Variants in CDC14B observed in about 807,000 individuals in gnomAD.
CDC14B encodes cell division cycle 14B.
CDC14B carries 22 observed loss-of-function variants against 64.2 expected under a neutral mutation model. The ratio of observed to expected loss-of-function variants is 0.34; its 90% confidence interval spans 0.24 to 0.49. The LOEUF (loss-of-function observed/expected upper bound fraction) is 0.49, where lower values mean the gene tolerates loss of function less well. Ranked by LOEUF, CDC14B falls within the 20% of genes least tolerant of loss-of-function variation. CDC14B has a pLI of 0.99. For missense variants in CDC14B, 498 were observed against 629.9 expected, an observed-to-expected ratio of 0.79 and a Z score of 2.24; for synonymous variants, 191 against 215.8, an observed-to-expected ratio of 0.89 and a Z score of 1.01.
intron 4 of CDC14B, among the ~76,000 whole-genome samples, chr9:96,555,596 T>C (rs1008619035): frequency 5.3e-5 from 8 of 152,182 alleles, no homozygotes; most frequent in African/African-American, 1.9e-4. Context: ...TTTAAGGAAA[T>C]GGCCGTTTCC....
rs373383422 is a variant in CDC14B at position 96,508,199 on chromosome 9, A to G, written c.1460+1474T>C. On this transcript the variant is annotated intron_variant, in intron 13 of 13. Transcript: ENST00000375241. ...CCTGGCTAATTTTTGTATTTTTAGT[A>G]GAGACGGGGTTTCACTATGTTGGCC... is the stretch of plus-strand genomic sequence containing the variant. 2.0e-3 allele frequency among the ~76,000 whole-genome samples: 299 copies of G among 152,072 alleles called. 4 individuals carry two copies. Among genetic ancestry groups the G allele is most frequent in the African/African-American group, 6.7e-3 (280 of 41,504 alleles).
chr9:96,614,450 T>G (rs180962521), intron 1 of CDC14B, among the ~76,000 whole-genome samples: 33 of 152,244 alleles, frequency 2.2e-4, no homozygotes, highest in African/African-American at 7.9e-4. Context: ...CCCAAAGTGC[T>G]GAGATTACAG....
chr9:96,504,227 A>C (rs1323043540), intron 13 of CDC14B, among the ~76,000 whole-genome samples: 1 of 152,050 alleles, frequency 6.6e-6, no homozygotes, highest in East Asian at 1.9e-4. Context: ...CAAAAGCCAG[A>C]ATTTGGTCAC....
rs1195890367 is a variant in CDC14B at position 96,530,421 on chromosome 9, C to T, written c.946+3506G>A. On this transcript the variant is annotated intron_variant, in intron 9 of 13. Coordinates refer to ENST00000375241, the MANE Select transcript of CDC14B (RefSeq NM_033331.4). ...AATTCTCCTGCCTTAGCATGCGCCA[C>T]GCCCGGCTAATTTTTTTTTTTTTTT... Among the ~76,000 whole-genome samples the T allele has an allele frequency of 4.7e-5, 7 of 149,556 alleles. No individual in the cohort carries two copies. In the South Asian group the frequency reaches 1.5e-3, roughly 31 times the overall value.
chr9:96,496,789 C>T (rs540406992), downstream of CDC14B, among the ~76,000 whole-genome samples: 242 of 152,338 alleles, frequency 1.6e-3, no homozygotes, highest in Admixed American at 2.3e-3. Context: ...TCCTCCAGCT[C>T]CTTCCTCTGC....
At chr9:96,615,254 C>T (rs7025129) in intron 1 of CDC14B, among the ~76,000 whole-genome samples, 6,873 of 152,096 alleles carry the variant, frequency 0.045, 539 homozygotes, top group African/African-American at 0.16. Context: ...TGAATGGCTC[C>T]GTGAGAGGTG....
chr9:96,521,964 G>A (rs1836797714), intron 12 of CDC14B, among the ~76,000 whole-genome samples: 1 of 152,144 alleles, frequency 6.6e-6, no homozygotes, highest in South Asian at 2.1e-4. Flanking sequence ...TGTACACATA[G>A]ACATACATAC....
At chr9:96,559,690 G>A (rs1173234197) in intron 4 of CDC14B, among the ~76,000 whole-genome samples, 3 of 152,146 alleles carry the variant, frequency 2.0e-5, no homozygotes, top group Non-Finnish European at 4.4e-5. Flanking sequence ...AGCTATGGCT[G>A]CAAAGGCTTC....
chr9:96,525,940 G>A (rs1348548148), intron 9 of CDC14B, among the ~76,000 whole-genome samples: 1 of 152,138 alleles, frequency 6.6e-6, no homozygotes, highest in Non-Finnish European at 1.5e-5. Flanking sequence ...GAACTGAATT[G>A]TGTCCCCCCT....
At position 96,619,332 on chromosome 9, in the gene CDC14B, G is replaced by A. The variant is rs779941105; in HGVS notation, c.47C>T (p.Pro16Leu). Residue 16 changes from proline (P) to leucine (L), a missense_variant, in exon 1 of 14, where the codon CCC (proline) becomes CTC (leucine). Physicochemically the swap from Pro to Leu is moderately conservative, Grantham distance 98. Transcript: ENST00000375241. ...ERRSSWAAAP[P>L]CSRRCSSTSP... The stretch of plus-strand genomic sequence containing the variant: ...GGTCGACGAGCAGCGCCGCGAGCAG[G>A]GGGGCGCGGCGGCCCAGCTCGACCG... 2.3e-6 allele frequency: 3 copies of A among 1,281,182 alleles called. No individual in the cohort carries two copies. The highest frequency in any genetic ancestry group is 3.0e-6 in the Non-Finnish European group (3 of 1,010,176). 79.4% of individuals were successfully genotyped at this position (1,281,182 alleles called of 1,614,324 possible). A position where few individuals can be genotyped will look rare whatever the true frequency, so the allele number is the denominator to read the frequency against.
At chr9:96,609,599 A>T (rs1847181851) in intron 1 of CDC14B, among the ~76,000 whole-genome samples, 1 of 152,218 alleles carries the variant, frequency 6.6e-6, no homozygotes, top group Non-Finnish European at 1.5e-5. Flanking sequence ...AGCAAAACGC[A>T]AAGAATGATT....
chr9:96,558,091 CTAAG>C (rs1237242963), intron 4 of CDC14B, among the ~76,000 whole-genome samples: 2 of 152,116 alleles, frequency 1.3e-5, no homozygotes, highest in Non-Finnish European at 1.5e-5. Context: ...TATGCAGGAG[CTAAG>C]TAAGTTGATC....
Position 96,515,924 on chromosome 9 carries a change from C to G in CDC14B, c.1344-6135G>C. 1.4e-6 allele frequency: 1 copy of G among 693,586 alleles called. No individual in the cohort carries two copies. The highest frequency in any genetic ancestry group is 2.2e-6 in the Non-Finnish European group (1 of 444,752). 43.0% of individuals were successfully genotyped at this position (693,586 alleles called of 1,614,324 possible). A position where few individuals can be genotyped will look rare whatever the true frequency, so the allele number is the denominator to read the frequency against. ...AGCCCAGCCAACAGCAACAGGGATA[C>G]AAAGGGGTGGTCAACAAGGATGGAG... On this transcript the variant is annotated intron_variant, in intron 12 of 13. Coordinates refer to ENST00000375241, the MANE Select transcript of CDC14B (RefSeq NM_033331.4). This position sits in a 1 kb window ranked among gnomAD's most constrained non-coding sequence, Gnocchi z 4.3.
chr9:96,499,352 G>A (rs941129007), downstream of CDC14B, among the ~76,000 whole-genome samples: 2 of 152,234 alleles, frequency 1.3e-5, no homozygotes, highest in African/African-American at 2.4e-5. Context: ...TGTGTGTGAG[G>A]TGTGGACACT....
intron 13 of CDC14B, among the ~76,000 whole-genome samples, chr9:96,494,865 C>T (rs979258599): frequency 9.7e-5 from 14 of 143,680 alleles, no homozygotes; most frequent in Non-Finnish European, 2.0e-4. Flanking sequence ...GTCGGAGTCT[C>T]GCTCTGTCGC....
At chr9:96,575,158 C>T (rs1429039060) in intron 1 of CDC14B, among the ~76,000 whole-genome samples, 1 of 152,196 alleles carries the variant, frequency 6.6e-6, no homozygotes, top group East Asian at 1.9e-4. Flanking sequence ...TACACAATCA[C>T]CCATGGATCC....
intron 1 of CDC14B, among the ~76,000 whole-genome samples, chr9:96,583,504 C>G (rs1222894180): frequency 6.6e-6 from 1 of 150,928 alleles, no homozygotes; most frequent in Non-Finnish European, 1.5e-5. Flanking sequence ...TCAAGCGATT[C>G]TCCTGCCTCA....
chr9:96,590,940 G>A (rs775019771), intron 1 of CDC14B, among the ~76,000 whole-genome samples: 2 of 152,206 alleles, frequency 1.3e-5, no homozygotes, highest in South Asian at 2.1e-4. Flanking sequence ...AGCCCTTTGC[G>A]TATTTTTTAA....
At position 96,535,574 on chromosome 9, in the gene CDC14B, C is replaced by A. The variant is rs554307214; in HGVS notation, c.628-1032G>T. Among the ~76,000 whole-genome samples the A allele has an allele frequency of 3.3e-5, 5 of 152,254 alleles. No homozygotes were observed. The South Asian group carries it at 6.2e-4, about 19-fold the overall frequency. ...AGACTTAAGCAGGAAGTAGAAGACA[C>A]TTGATAGTGCAGAAGGAGAGGACTC... On this transcript the variant is annotated intron_variant, in intron 7 of 13. Coordinates refer to ENST00000375241, the MANE Select transcript of CDC14B (RefSeq NM_033331.4).
Sources: gnomAD v4.1 joint callset for allele counts (sites outside exome capture counted in the v4.1 genomes callset) on GRCh38, gnomAD v4.1.1 for gene constraint, Gnocchi (gnomAD v3.1) non-coding constraint, MANE v1.5 for transcripts, NCBI Gene and HGNC (gene_info 2026-07-23, HGNC 2026-07-21) for gene names.